Variants in GRIK4 observed in about 807,000 individuals in gnomAD.
GRIK4 encodes the protein glutamate ionotropic receptor kainate type subunit 4.
A neutral mutation model predicts 104.9 loss-of-function variants in GRIK4; 40 were observed. The ratio of observed to expected loss-of-function variants is 0.38; its 90% CI spans 0.30 to 0.50. GRIK4 has a LOEUF of 0.50. Ranked by LOEUF, GRIK4 falls within the 20% of genes least tolerant of loss-of-function variation. The pLI is 0.93. For missense variants in GRIK4, 1,047 were observed against 1,308.1 expected (o/e 0.80, Z 3.08); for synonymous variants, 485 against 524.9 (o/e 0.92, Z 1.04).
chr11:120,689,770 A>C (rs1469189142), intron 3 of GRIK4, among the ~76,000 whole-genome samples: 1 of 151,624 alleles, frequency 6.6e-6, no homozygotes. Flanking sequence ...AAAATAAATC[A>C]CACTCTGCTC....
intron 3 of GRIK4, among the ~76,000 whole-genome samples, chr11:120,748,884 G>A (rs1426396891): frequency 6.6e-6 from 1 of 152,208 alleles, no homozygotes; most frequent in Non-Finnish European, 1.5e-5. Flanking sequence ...TCTGCCTGTT[G>A]TTCCTGGGTA....
At chr11:120,552,403 C>T (rs990045133) in intron 1 of GRIK4, among the ~76,000 whole-genome samples, 3 of 152,142 alleles carry the variant, frequency 2.0e-5, no homozygotes, top group African/African-American at 7.2e-5. Context: ...GGGCTTTCCC[C>T]AACACCTTGT....
At chr11:120,705,684 T>C (rs1950619088) in intron 3 of GRIK4, among the ~76,000 whole-genome samples, 2 of 152,252 alleles carry the variant, frequency 1.3e-5, no homozygotes, top group South Asian at 4.1e-4. Context: ...TTTAATTTCT[T>C]TCAGCAATAT....
intron 3 of GRIK4, among the ~76,000 whole-genome samples, chr11:120,796,130 G>A (rs1278952847): frequency 2.0e-5 from 3 of 150,552 alleles, no homozygotes; most frequent in Middle Eastern, 3.4e-3. Context: ...CTGCCTCCCA[G>A]GTTCACGCCA....
At chr11:120,562,578 G>T (rs1479744856) in intron 1 of GRIK4, among the ~76,000 whole-genome samples, 1 of 152,202 alleles carries the variant, frequency 6.6e-6, no homozygotes, top group Non-Finnish European at 1.5e-5. Flanking sequence ...AGAAGTAAGT[G>T]AGGATTTGTG....
chr11:120,790,881 A>G (rs1007067404), intron 3 of GRIK4, among the ~76,000 whole-genome samples: 1 of 152,180 alleles, frequency 6.6e-6, no homozygotes, highest in Non-Finnish European at 1.5e-5. Context: ...AGGGATTTGC[A>G]TGAGACCAAC....
intron 1 of GRIK4, among the ~76,000 whole-genome samples, chr11:120,566,968 A>AT (rs572433053): frequency 0.037 from 3,662 of 99,678 alleles, 474 homozygotes; most frequent in African/African-American, 0.13. Context: ...CGGCCTCCTA[A>AT]TTTTTTTTTT....
Position 120,903,309 on chromosome 11 carries a change from G to A in GRIK4, c.1273-1981G>A, listed in dbSNP as rs1353065494. Among the ~76,000 whole-genome samples the A allele has an allele frequency of 6.6e-6, 1 of 152,056 alleles. No homozygotes were observed. Among genetic ancestry groups the A allele is most frequent in the Non-Finnish European group, 1.5e-5 (1 of 68,014 alleles). ...GTCGCATCCCCTGAGCGGCTCTGCT[G>A]AAAATCTTCCCACACACCAAGACTC... is the stretch of plus-strand genomic sequence containing the variant. On this transcript the variant is annotated intron_variant, in intron 12 of 20. Coordinates refer to ENST00000527524, the MANE Select transcript of GRIK4 (RefSeq NM_014619.5). The surrounding 1 kb of genome is among the most constrained non-coding windows in gnomAD (Gnocchi z 4.4).
intron 5 of GRIK4, among the ~76,000 whole-genome samples, chr11:120,818,141 G>A (rs7113703): frequency 0.015 from 2,225 of 152,252 alleles, 54 homozygotes; most frequent in African/African-American, 0.046. Flanking sequence ...GTGGATTCAC[G>A]GTATCTCTAA....
In GRIK4 at chr11:120,961,019, A is replaced by G. The variant is rs1249104616; in HGVS notation, c.1985A>G (p.Gln662Arg). Residue 662 changes from glutamine to arginine, a missense_variant, in exon 17 of 21, where the codon CAG (glutamine) becomes CGG (arginine). Physicochemically the swap from Gln to Arg is conservative, Grantham distance 43. This residue lies in a region of GRIK4 where 440 missense variants were observed against 652.3 expected (regional missense o/e 0.67). Coordinates refer to ENST00000527524, the MANE Select transcript of GRIK4 (RefSeq NM_014619.5). ...PIESVDDLADQTAIEYGTIHG... is the reference protein window; with the variant it reads ...PIESVDDLADRTAIEYGTIHG... The stretch of plus-strand genomic sequence containing the variant: ...GAGTCAGTGGATGACCTGGCTGACC[A>G]GACCGCCATTGAATATGGCACAATT... The G allele has an allele frequency of 6.2e-7, 1 of 1,614,158 alleles. No homozygotes were observed. The highest frequency in any genetic ancestry group is 1.7e-5 in the Admixed American group (1 of 60,008).
intron 1 of GRIK4, among the ~76,000 whole-genome samples, chr11:120,553,163 G>A (rs979975957): frequency 6.6e-6 from 1 of 152,228 alleles, no homozygotes; most frequent in Non-Finnish European, 1.5e-5. Context: ...ATAGGCAGTA[G>A]GTAAAGGGTT....
chr11:120,684,617 G>T (rs193259267), intron 3 of GRIK4, among the ~76,000 whole-genome samples: 2 of 152,328 alleles, frequency 1.3e-5, no homozygotes, highest in Admixed American at 1.3e-4. Context: ...AAGAGCCTAG[G>T]TGCAGGAGAA....
chr11:120,515,727 A>G (rs1034280747), intron 1 of GRIK4, among the ~76,000 whole-genome samples: 1 of 152,246 alleles, frequency 6.6e-6, no homozygotes, highest in African/African-American at 2.4e-5. Context: ...CATAAGATAT[A>G]GTTGTTGCTT....
At chr11:120,955,019 T>G (rs1371492046) in intron 15 of GRIK4, among the ~76,000 whole-genome samples, 1 of 152,116 alleles carries the variant, frequency 6.6e-6, no homozygotes, top group East Asian at 1.9e-4. Flanking sequence ...TCTTATATAT[T>G]GTACTTCGGG....
intron 19 of GRIK4, among the ~76,000 whole-genome samples, chr11:120,974,541 G>A (rs892589162): frequency 3.3e-5 from 5 of 152,170 alleles, no homozygotes; most frequent in Admixed American, 1.3e-4. Flanking sequence ...ATTAAAATTC[G>A]AGAAATTTCA....
At chr11:120,954,372 G>A (rs1944083735) in intron 15 of GRIK4, among the ~76,000 whole-genome samples, 1 of 151,666 alleles carries the variant, frequency 6.6e-6, no homozygotes, top group East Asian at 1.9e-4. Context: ...CCACTGTTGA[G>A]TATCTGCTGT....
intron 1 of GRIK4, among the ~76,000 whole-genome samples, chr11:120,536,655 T>C (rs1177538744): frequency 1.3e-5 from 2 of 152,152 alleles, no homozygotes; most frequent in Non-Finnish European, 1.5e-5. Context: ...GACGTATGTA[T>C]TGATGGCTCA....
At chr11:120,812,093 T>A (rs1239813448) in intron 4 of GRIK4, among the ~76,000 whole-genome samples, 1 of 152,122 alleles carries the variant, frequency 6.6e-6, no homozygotes, top group African/African-American at 2.4e-5. Context: ...GGGCAGGTTA[T>A]AAAGAGGGGT....
At chr11:120,895,459 T>C (rs887608534) in intron 11 of GRIK4, among the ~76,000 whole-genome samples, 4 of 152,150 alleles carry the variant, frequency 2.6e-5, no homozygotes, top group African/African-American at 9.7e-5. Flanking sequence ...TGAGCCTCTT[T>C]GAGGACAATA....
Sources: gnomAD v4.1 joint callset for allele counts (sites outside exome capture counted in the v4.1 genomes callset) on GRCh38, gnomAD v4.1.1 for gene constraint, gnomAD v4.1.1 regional missense constraint, Gnocchi (gnomAD v3.1) non-coding constraint, MANE v1.5 for transcripts, NCBI Gene and HGNC (gene_info 2026-07-23, HGNC 2026-07-21) for gene names.